IQUB: variants seen among roughly 807,000 people sequenced by gnomAD.
IQUB encodes the protein IQ motif and ubiquitin-like domain-containing protein.
IQUB carries 86 observed loss-of-function variants against 86.4 expected under a neutral mutation model. The observed-to-expected ratio is 1.00, with a 90% CI of 0.84 to 1.19. The LOEUF is 1.19. IQUB is among the 50% of genes most tolerant of loss of function. The pLI, the probability that IQUB is intolerant of heterozygous loss-of-function variation, is 0.00. For synonymous variants in IQUB, 289 were observed against 304.5 expected (o/e 0.95, Z 0.53); for missense variants, 946 against 916.9 (o/e 1.03, Z -0.41).
At chr7:123,512,412 G>T in intron 1 of IQUB, 68 bp from the exon 2 acceptor site, 1 of 932,658 alleles carries the variant, frequency 1.1e-6, no homozygotes, top group Non-Finnish European at 1.6e-6. Context: ...CAAATTCATT[G>T]CTAGTATAGA....
chr7:123,512,877 T>A (rs1208690745), intron 1 of IQUB, among the ~76,000 whole-genome samples: 1 of 152,136 alleles, frequency 6.6e-6, no homozygotes, highest in African/African-American at 2.4e-5. Context: ...TGGAGCTGAC[T>A]AGACCCACAG....
At position 123,479,965 on chromosome 7, in the gene IQUB, G is replaced by C; in HGVS notation, c.1240C>G (p.Arg414Gly). 6.2e-7 allele frequency: 1 copy of C among 1,606,500 alleles called. No individual in the cohort carries two copies. Among genetic ancestry groups the C allele is most frequent in the Non-Finnish European group, 8.5e-7 (1 of 1,177,142 alleles). The change falls in exon 8 of 13, where the codon CGG (arginine) becomes GGG (glycine). Residue 414 changes from arginine to glycine, a missense_variant. Coordinates refer to ENST00000324698, the MANE Select transcript of IQUB (RefSeq NM_178827.5). ...TTAATACGTGTAAGTTCTTCTTGCC[G>C]CCAGACTAGAGGAATAACACAATAG... ...EFLYNALEFWRQEELTRINQS... is the reference protein window; with the variant it reads ...EFLYNALEFWGQEELTRINQS...
intron 9 of IQUB, 40 bp from the exon 10 acceptor site, chr7:123,465,049 A>G: frequency 5.3e-6 from 7 of 1,309,856 alleles, no homozygotes; most frequent in Non-Finnish European, 7.4e-6. Context: ...AAATTTTACA[A>G]ATCACTAAGT....
intron 3 of IQUB, among the ~76,000 whole-genome samples, chr7:123,504,431 G>A (rs566249192): frequency 6.6e-6 from 1 of 152,148 alleles, no homozygotes; most frequent in African/African-American, 2.4e-5. Context: ...CCTGAACGAC[G>A]GAGCAAAACT....
intron 8 of IQUB, among the ~76,000 whole-genome samples, chr7:123,476,296 G>C (rs189422538): frequency 2.0e-5 from 3 of 152,284 alleles, no homozygotes; most frequent in East Asian, 1.9e-4. Context: ...GGAAGAAGAG[G>C]CATCTGAGCT....
intron 12 of IQUB, among the ~76,000 whole-genome samples, chr7:123,454,148 A>G (rs1363131551): frequency 6.6e-6 from 1 of 152,126 alleles, no homozygotes; most frequent in Non-Finnish European, 1.5e-5. Flanking sequence ...AGGTTAAAAT[A>G]TTCATCTTTT....
intron 6 of IQUB, 118 bp downstream of exon 6, chr7:123,502,479 A>T (rs942352349): frequency 6.2e-6 from 5 of 812,832 alleles, no homozygotes; most frequent in African/African-American, 1.7e-5. Context: ...GTGAAATATG[A>T]CCCATACTCA....
At chr7:123,475,430 C>T (rs1258130151) in intron 8 of IQUB, among the ~76,000 whole-genome samples, 1 of 139,372 alleles carries the variant, frequency 7.2e-6, no homozygotes, top group East Asian at 2.1e-4. Context: ...TAGAGTGCCA[C>T]ACCTCATGAG....
At chr7:123,488,316 G>C (rs924453606) in intron 7 of IQUB, among the ~76,000 whole-genome samples, 3 of 150,290 alleles carry the variant, frequency 2.0e-5, no homozygotes, top group African/African-American at 7.4e-5. Context: ...ACTCCAGCCT[G>C]GGTGACAGAG....
rs181170512 is a variant in IQUB at position 123,530,868 on chromosome 7, G to A, written c.-5+3624C>T. Among the ~76,000 whole-genome samples, 1,052 of 151,888 alleles carry A rather than the reference G, an allele frequency of 6.9e-3. 13 individuals carry two copies. The highest frequency in any genetic ancestry group is 0.024 in the African/African-American group (1,001 of 41,424). On this transcript the variant is annotated intron_variant, in intron 1 of 12. Transcript: ENST00000324698. ...ATTTTTGTATTTTTAGCAGAGACGG[G>A]GTTTCACCATGTTGGCCAGGCTGGT...
intron 1 of IQUB, among the ~76,000 whole-genome samples, chr7:123,533,530 A>C (rs551987655): frequency 6.6e-6 from 1 of 152,210 alleles, no homozygotes; most frequent in Non-Finnish European, 1.5e-5. Context: ...ACATTTATCA[A>C]TCTTTTTGCT....
chr7:123,509,277 G>A (rs201584474), intron 3 of IQUB, among the ~76,000 whole-genome samples: 13 of 152,046 alleles, frequency 8.6e-5, no homozygotes, highest in Admixed American at 2.0e-4. Flanking sequence ...ACTTCAGTGC[G>A]CTGTTCAATA....
At chr7:123,525,617 G>A (rs908297494) in intron 1 of IQUB, among the ~76,000 whole-genome samples, 15 of 151,894 alleles carry the variant, frequency 9.9e-5, no homozygotes, top group South Asian at 4.2e-4. Flanking sequence ...TCTTGCTAGC[G>A]GTCTATCAAT....
chr7:123,466,214 G>A (rs1388094442), intron 9 of IQUB, among the ~76,000 whole-genome samples: 1 of 151,954 alleles, frequency 6.6e-6, no homozygotes, highest in Non-Finnish European at 1.5e-5. Context: ...CAGAATTTGA[G>A]TTGTACTTAA....
At chr7:123,500,552 A>T (rs1317360210) in intron 6 of IQUB, among the ~76,000 whole-genome samples, 4 of 152,094 alleles carry the variant, frequency 2.6e-5, no homozygotes, top group Admixed American at 6.6e-5. Flanking sequence ...AAAACCTATT[A>T]AAAAAATAAA....
intron 7 of IQUB, among the ~76,000 whole-genome samples, chr7:123,484,068 A>G (rs1269991827): frequency 2.6e-5 from 4 of 151,976 alleles, no homozygotes; most frequent in Admixed American, 1.3e-4. Flanking sequence ...TCAAATTTCA[A>G]TTTCAATTTG....
Position 123,503,495 on chromosome 7 carries a change from A to T in IQUB, c.533-132T>A, listed in dbSNP as rs1310799709. ...ACAGCATGCTTTGAACTATGTATAC[A>T]TTGTGAAGTAGCTTAATACAGCTAT... On this transcript the variant is annotated intron_variant, in intron 3 of 12. Transcript: ENST00000324698. 4 of 566,178 alleles carry T rather than the reference A, an allele frequency of 7.1e-6. No homozygotes were observed. In the Admixed American group the frequency reaches 1.4e-4, roughly 20 times the overall value. 35.1% of individuals were successfully genotyped at this position (566,178 alleles called of 1,614,324 possible). A position where few individuals can be genotyped will look rare whatever the true frequency, so the allele number is the denominator to read the frequency against.
chr7:123,462,070 A>AAAG (rs1491092835), intron 10 of IQUB, among the ~76,000 whole-genome samples: 1 of 151,870 alleles, frequency 6.6e-6, no homozygotes, highest in Non-Finnish European at 1.5e-5. Context: ...ATTAATTTTC[A>AAAG]AAGTTTGAAA....
At chr7:123,531,322 T>G (rs1316531267) in intron 1 of IQUB, among the ~76,000 whole-genome samples, 1 of 152,176 alleles carries the variant, frequency 6.6e-6, no homozygotes, top group African/African-American at 2.4e-5. Context: ...AAGCTTGCAA[T>G]TAATGTTCCA....
Sources: gnomAD v4.1 joint callset for allele counts (sites outside exome capture counted in the v4.1 genomes callset) on GRCh38, gnomAD v4.1.1 for gene constraint, MANE v1.5 for transcripts, NCBI Gene and HGNC (gene_info 2026-07-23, HGNC 2026-07-21) for gene names.